The following BNIP2 variants were observed in gnomAD, a reference collection of about 807,000 sequenced individuals.
BNIP2 encodes BCL2 interacting protein 2.
BNIP2 carries 36 observed loss-of-function variants against 43.4 expected under a neutral mutation model. That is an observed-to-expected ratio of 0.83 (90% CI 0.64 to 1.10). The LOEUF is 1.10. BNIP2 is among the 50% of genes least tolerant of loss of function. The pLI is 0.00. For synonymous variants in BNIP2, 146 were observed against 121.0 expected (o/e 1.21, Z -1.35); for missense variants, 417 against 374.1 (o/e 1.11, Z -0.95).
intron 6 of BNIP2, among the ~76,000 whole-genome samples, chr15:59,671,610 T>G (rs184954941): frequency 1.3e-5 from 2 of 152,166 alleles, no homozygotes; most frequent in Admixed American, 6.5e-5. Context: ...ACATGAAGAT[T>G]TGATATACTT....
chr15:59,689,074 T>A, intron 1 of BNIP2, 61 bp downstream of exon 1: 1 of 1,501,714 alleles, frequency 6.7e-7, no homozygotes, highest in East Asian at 2.5e-5. Flanking sequence ...CTTTCGCCCC[T>A]AGGCCGGTTC....
intron 1 of BNIP2, chr15:59,688,514 G>GAC (rs6151438): frequency 0.4 from 213,858 of 530,060 alleles, 45,203 homozygotes; most frequent in East Asian, 0.55. Context: ...GAGCTCACAA[G>GAC]ACACAGACAA....
rs930690358 is a variant in BNIP2 at position 59,671,307 on chromosome 15, T to C, written c.583A>G (p.Ile195Val). 5 of 1,587,124 alleles carry C rather than the reference T, an allele frequency of 3.2e-6. No homozygotes were observed. Among genetic ancestry groups the C allele is most frequent in the Non-Finnish European group, 4.3e-6 (5 of 1,165,310 alleles). Residue 195 changes from isoleucine to valine, a missense_variant, in exon 7 of 10, where the codon ATT becomes GTT. Transcript: ENST00000607373. ...GCTACTAATAGCTCCAAAGTGCCAA[T>C]AACATATCTGTAAAAAACAAATTAA... ...YLMDNLFKYV[I>V]GTLELLVAEN...
chr15:59,687,886 A>G (rs1894120862), intron 1 of BNIP2, among the ~76,000 whole-genome samples: 1 of 152,170 alleles, frequency 6.6e-6, no homozygotes, highest in African/African-American at 2.4e-5. Context: ...AGGCAATGAC[A>G]CTACATCCTG....
At chr15:59,684,498 G>A (rs1484688934) in intron 1 of BNIP2, among the ~76,000 whole-genome samples, 2 of 152,124 alleles carry the variant, frequency 1.3e-5, no homozygotes, top group Non-Finnish European at 2.9e-5. Context: ...TAGTAGAAAG[G>A]AGCCCACAAT....
chr15:59,666,824 C>T (rs1411484025), intron 9 of BNIP2, among the ~76,000 whole-genome samples: 1 of 90,912 alleles, frequency 1.1e-5, no homozygotes, highest in Non-Finnish European at 2.4e-5. Context: ...TGGTTAAACA[C>T]AAGTAAAAAA....
At chr15:59,668,104 TTTTTTGTTTC>T (rs1251794046) in intron 9 of BNIP2, 2 of 1,295,478 alleles carry the variant, frequency 1.5e-6, no homozygotes, top group Non-Finnish European at 2.0e-6. Context: ...TGCATATACC[TTTTTTGTTTC>T]TTTTTAAACT....
chr15:59,672,662 T>C lies in BNIP2; in HGVS notation c.550A>G (p.Arg184Gly). Residue 184 changes from arginine to glycine, a missense_variant, in exon 6 of 10, where the codon AGA (arginine) becomes GGA (glycine). Arg to Gly is a moderately radical substitution (Grantham distance 125). Coordinates refer to ENST00000607373, the MANE Select transcript of BNIP2 (RefSeq NM_004330.4). ...FMPESSQPNY[R>G]YLMDNLFKYV... The stretch of plus-strand genomic sequence containing the variant: ...TTAAAAAGATTGTCCATCAGGTATC[T>C]ATAGTTAGGCTGACTACTTTCAGGC... The C allele has an allele frequency of 6.2e-7, 1 of 1,613,620 alleles. No homozygotes were observed. The highest frequency in any genetic ancestry group is 8.5e-7 in the Non-Finnish European group (1 of 1,179,610).
chr15:59,670,002 T>A (rs1369693464), intron 7 of BNIP2, among the ~76,000 whole-genome samples: 1 of 152,194 alleles, frequency 6.6e-6, no homozygotes, highest in Non-Finnish European at 1.5e-5. Context: ...TCTGACTTGA[T>A]TTAAATTAGC....
chr15:59,683,807 A>C (rs1278198417), intron 1 of BNIP2, among the ~76,000 whole-genome samples: 4 of 152,230 alleles, frequency 2.6e-5, no homozygotes, highest in Non-Finnish European at 5.9e-5. Context: ...TGACAGAGCA[A>C]AACCAGTAGC....
intron 2 of BNIP2, among the ~76,000 whole-genome samples, chr15:59,681,680 CAA>C (rs1436734909): frequency 6.6e-6 from 1 of 152,054 alleles, no homozygotes; most frequent in Non-Finnish European, 1.5e-5. Flanking sequence ...CTCCTGGCCT[CAA>C]GTGATCTGCC....
Position 59,680,324 on chromosome 15 carries a change from A to G in BNIP2, c.51-16T>C. The G allele has an allele frequency of 1.3e-6, 2 of 1,574,850 alleles. No individual in the cohort carries two copies. The highest frequency in any genetic ancestry group is 8.6e-7 in the Non-Finnish European group (1 of 1,158,164). On this transcript the variant is annotated splice_polypyrimidine_tract_variant and intron_variant, in intron 2 of 9. Coordinates refer to ENST00000607373, the MANE Select transcript of BNIP2 (RefSeq NM_004330.4). ...TGGTAAAGGTCTAGAAGACACAGGC[A>G]TACTTTTTAATCCAGAAATTAAGAA... is the stretch of plus-strand genomic sequence containing the variant.
intron 7 of BNIP2, among the ~76,000 whole-genome samples, chr15:59,669,989 G>T (rs555609833): frequency 2.4e-4 from 37 of 152,272 alleles, no homozygotes; most frequent in African/African-American, 8.9e-4. Flanking sequence ...ACCTATTAAT[G>T]GGTCTGACTT....
chr15:59,678,658 T>A, intron 4 of BNIP2: 1 of 1,180,778 alleles, frequency 8.5e-7, no homozygotes, highest in Non-Finnish European at 1.1e-6. Context: ...TAAGCACCAA[T>A]GATTAAGTGT....
intron 4 of BNIP2, chr15:59,678,948 A>G: frequency 9.7e-7 from 1 of 1,032,866 alleles, no homozygotes; most frequent in South Asian, 1.7e-5. Context: ...AAAACAGGGA[A>G]GAAAAAAGAA....
intron 6 of BNIP2, 66 bp from the exon 7 acceptor site, chr15:59,671,380 A>G (rs530319529): frequency 1.4e-6 from 2 of 1,411,178 alleles, no homozygotes; most frequent in South Asian, 1.3e-5. Flanking sequence ...GGTTCTCTAA[A>G]TTGTACCATT....
chr15:59,669,019 C>T (rs1595689864), intron 8 of BNIP2, 29 bp from the exon 9 acceptor site: 2 of 1,559,508 alleles, frequency 1.3e-6, no homozygotes, highest in South Asian at 1.1e-5. Flanking sequence ...ATAATTACTT[C>T]CATATTTCTG....
Position 59,679,677 on chromosome 15 carries a change from C to G in BNIP2, c.210G>C (p.Leu70Phe). 6.2e-7 allele frequency: 1 copy of G among 1,612,180 alleles called. No individual in the cohort carries two copies. The highest frequency in any genetic ancestry group is 8.5e-7 in the Non-Finnish European group (1 of 1,179,194). The change falls in exon 4 of 10, where the codon TTG (leucine) becomes TTC (phenylalanine). Residue 70 changes from leucine to phenylalanine, a missense_variant. Transcript: ENST00000607373. ...CCCCACTTTCATCCAAATCATCTGACAATACAGAGCCATCACTAGGATCCA... is the reference window on the plus strand; with the variant it reads ...CCCCACTTTCATCCAAATCATCTGAGAATACAGAGCCATCACTAGGATCCA... ...LTLDPSDGSV[L>F]SDDLDESGEI... is the part of the protein sequence containing the mutation.
chr15:59,679,706 T>C lies in BNIP2; in HGVS notation c.181A>G (p.Thr61Ala). The C allele has an allele frequency of 6.2e-7, 1 of 1,603,900 alleles. No individual in the cohort carries two copies. The highest frequency in any genetic ancestry group is 8.5e-7 in the Non-Finnish European group (1 of 1,176,322). The change falls in exon 4 of 10, where the codon ACA becomes GCA. Residue 61 changes from threonine (T) to alanine (A), a missense_variant. Coordinates refer to ENST00000607373, the MANE Select transcript of BNIP2 (RefSeq NM_004330.4). ...ACAGAGCCATCACTAGGATCCAGTG[T>C]CAGGCTAATGTCTGGAGCCATTAGT... ...KKLMAPDISLTLDPSDGSVLS... is the reference protein window; with the variant it reads ...KKLMAPDISLALDPSDGSVLS...
Sources: gnomAD v4.1 joint callset for allele counts (sites outside exome capture counted in the v4.1 genomes callset) on GRCh38, gnomAD v4.1.1 for gene constraint, MANE v1.5 for transcripts, NCBI Gene and HGNC (gene_info 2026-07-23, HGNC 2026-07-21) for gene names.